The following MSI2 variants were observed in gnomAD, a reference collection of about 807,000 sequenced individuals.
MSI2 encodes RNA-binding protein Musashi homolog 2.
Under a neutral mutation model 45.6 loss-of-function variants are expected in MSI2, and 17 were observed. The ratio of observed to expected loss-of-function variants is 0.37; its 90% CI spans 0.26 to 0.56. The LOEUF (loss-of-function observed/expected upper bound fraction) is 0.56. Ranked by LOEUF, MSI2 falls within the 20% of genes least tolerant of loss-of-function variation. The probability of loss-of-function intolerance (pLI) is 0.77; values close to 1 mark genes in which losing one functional copy is unlikely to be tolerated. For synonymous variants in MSI2, 156 were observed against 158.2 expected, an observed-to-expected ratio of 0.99 and a Z score of 0.11; for missense variants, 293 against 444.2, an observed-to-expected ratio of 0.66 and a Z score of 3.06.
chr17:57,546,489 T>TA (rs1338613543), intron 7 of MSI2, among the ~76,000 whole-genome samples: 1 of 152,034 alleles, frequency 6.6e-6, no homozygotes, highest in Admixed American at 6.5e-5. Flanking sequence ...TGAGATAGGG[T>TA]AAAAAATACA....
At chr17:57,365,683 G>A (rs1351630788) in intron 5 of MSI2, among the ~76,000 whole-genome samples, 1 of 152,156 alleles carries the variant, frequency 6.6e-6, no homozygotes, top group African/African-American at 2.4e-5. Flanking sequence ...CCCAATAGAA[G>A]GCCATGTGGG....
intron 11 of MSI2, among the ~76,000 whole-genome samples, chr17:57,673,005 C>T (rs1036203298): frequency 1.3e-5 from 2 of 152,346 alleles, no homozygotes; most frequent in Non-Finnish European, 2.9e-5. Context: ...CTTTAACCTG[C>T]TCTTTCCATT....
chr17:57,342,552 A>G (rs1184390038), intron 5 of MSI2, among the ~76,000 whole-genome samples: 1 of 152,222 alleles, frequency 6.6e-6, no homozygotes, highest in African/African-American at 2.4e-5. Flanking sequence ...TAGAAAATTG[A>G]GAGGATATTA....
In MSI2 at chr17:57,510,408, T is replaced by G. The variant is rs545572167; in HGVS notation, c.406-19268T>G. ...AATGTTGCACTCCTCTTGTTTTTTT[T>G]TTTGTTTGTTTGTTTGTTTTGTCTT... On this transcript the variant is annotated intron_variant, in intron 6 of 13. Coordinates refer to ENST00000284073, the MANE Select transcript of MSI2 (RefSeq NM_138962.4). 1.8e-4 allele frequency among the ~76,000 whole-genome samples: 27 copies of G among 151,770 alleles called. 1 individual carries two copies. In the East Asian group the frequency reaches 1.9e-3, roughly 11 times the overall value.
intron 5 of MSI2, among the ~76,000 whole-genome samples, chr17:57,283,048 A>G (rs1437254393): frequency 1.3e-5 from 2 of 152,070 alleles, no homozygotes; most frequent in Admixed American, 6.6e-5. Context: ...TAAATTGCCC[A>G]TGTCCAGTAA....
intron 5 of MSI2, among the ~76,000 whole-genome samples, chr17:57,335,997 C>A (rs888033684): frequency 6.6e-6 from 1 of 152,186 alleles, no homozygotes; most frequent in Non-Finnish European, 1.5e-5. Flanking sequence ...CAGTGGGGTT[C>A]TGAGCAGAGA....
At chr17:57,341,980 C>T (rs1484437218) in intron 5 of MSI2, among the ~76,000 whole-genome samples, 1 of 151,964 alleles carries the variant, frequency 6.6e-6, no homozygotes, top group African/African-American at 2.4e-5. Context: ...TACATATTGC[C>T]CTATTTTCAG....
chr17:57,559,128 A>G (rs563306924), intron 7 of MSI2, among the ~76,000 whole-genome samples: 108 of 152,208 alleles, frequency 7.1e-4, no homozygotes, highest in Non-Finnish European at 1.2e-3. Context: ...TCTCCAAATC[A>G]GAACCACAAA....
Position 57,652,222 on chromosome 17 carries a change from A to G in MSI2, c.790+61A>G. ...TGCCCCCAGTGTGCAGGGGGAGGTC[A>G]AGGCCCTGTCGGATCTGTGTGGCTG... On this transcript the variant is annotated intron_variant, in intron 11 of 13. Coordinates refer to ENST00000284073, the MANE Select transcript of MSI2 (RefSeq NM_138962.4). The surrounding 1 kb of genome is among the most constrained non-coding windows in gnomAD (Gnocchi z 4.1). The G allele has an allele frequency of 6.7e-7, 1 of 1,501,196 alleles. No individual in the cohort carries two copies. The allele number at this position is 1,501,196 out of a possible 1,614,324, so 93.0% of individuals were successfully genotyped here.
intron 7 of MSI2, among the ~76,000 whole-genome samples, chr17:57,561,087 A>G (rs1049169431): frequency 1.3e-5 from 2 of 152,200 alleles, no homozygotes; most frequent in Admixed American, 1.3e-4. Flanking sequence ...TGATGTGCAC[A>G]TTTAGGGAGT....
chr17:57,271,216 A>C (rs1908329724), intron 5 of MSI2, among the ~76,000 whole-genome samples: 1 of 152,136 alleles, frequency 6.6e-6, no homozygotes, highest in Non-Finnish European at 1.5e-5. Context: ...AGTTAATGCT[A>C]ATGGATTCTT....
At chr17:57,495,385 C>T (rs2085955641) in intron 6 of MSI2, among the ~76,000 whole-genome samples, 1 of 151,626 alleles carries the variant, frequency 6.6e-6, no homozygotes, top group Admixed American at 6.6e-5. Context: ...ATACAAAAAT[C>T]AGCCGGGCAT....
At chr17:57,588,528 T>G (rs1350699301) in intron 7 of MSI2, among the ~76,000 whole-genome samples, 1 of 152,228 alleles carries the variant, frequency 6.6e-6, no homozygotes, top group African/African-American at 2.4e-5. Context: ...TAGACTGGCT[T>G]AGGAGATACT....
intron 6 of MSI2, among the ~76,000 whole-genome samples, chr17:57,424,263 C>A (rs979580404): frequency 1.3e-5 from 2 of 152,234 alleles, no homozygotes; most frequent in East Asian, 3.8e-4. Flanking sequence ...CTCTAATACT[C>A]CAAGGTATCC....
chr17:57,634,497 T>C (rs924685976), intron 10 of MSI2, among the ~76,000 whole-genome samples: 11 of 151,528 alleles, frequency 7.3e-5, no homozygotes, highest in African/African-American at 2.2e-4. Flanking sequence ...AAGCTCTCTA[T>C]GCTGTAAGGG....
At chr17:57,422,442 A>G (rs564426493) in intron 6 of MSI2, among the ~76,000 whole-genome samples, 4 of 152,334 alleles carry the variant, frequency 2.6e-5, no homozygotes, top group African/African-American at 9.6e-5. Flanking sequence ...CCTGGGTGAC[A>G]GAGTGAGACT....
chr17:57,672,748 C>G (rs1361579606), intron 11 of MSI2, among the ~76,000 whole-genome samples: 1 of 152,206 alleles, frequency 6.6e-6, no homozygotes, highest in Non-Finnish European at 1.5e-5. Flanking sequence ...TGGACAAAAC[C>G]AGGAGTCCAC....
intron 7 of MSI2, among the ~76,000 whole-genome samples, chr17:57,582,965 A>G (rs1049336010): frequency 1.3e-5 from 2 of 152,208 alleles, no homozygotes; most frequent in African/African-American, 4.8e-5. Context: ...TTTTCAAAGC[A>G]CTTTCTCTAC....
intron 5 of MSI2, among the ~76,000 whole-genome samples, chr17:57,330,652 C>T (rs951884998): frequency 2.0e-5 from 3 of 152,074 alleles, no homozygotes; most frequent in Non-Finnish European, 2.9e-5. Flanking sequence ...GTCTCTCAGG[C>T]GTTCCGCATC....
Sources: allele counts gnomAD v4.1 joint callset (sites outside exome capture counted in the v4.1 genomes callset), GRCh38; gene constraint gnomAD v4.1.1; non-coding constraint Gnocchi (gnomAD v3.1); transcripts MANE v1.5; gene names NCBI Gene and HGNC (gene_info 2026-07-23, HGNC 2026-07-21).